Variants in TMEM255A observed in about 807,000 individuals in gnomAD.
The protein encoded by TMEM255A is family with sequence similarity 70, member A.
A neutral mutation model predicts 23.5 loss-of-function variants in TMEM255A; 14 were observed. The observed-to-expected ratio is 0.60, with a 90% CI of 0.39 to 0.93. The LOEUF is 0.93. Ranked by LOEUF, TMEM255A falls within the 40% of genes least tolerant of loss-of-function variation. The pLI is 0.00. For synonymous variants in TMEM255A, 104 were observed against 100.3 expected (o/e 1.04, Z -0.22); for missense variants, 233 against 261.7 (o/e 0.89, Z 0.76).
At chrX:120,304,522 C>T (rs924643681) in intron 1 of TMEM255A, 31 bp from the exon 2 acceptor site, 2 of 1,198,156 alleles carry the variant, frequency 1.7e-6, no homozygotes, top group African/African-American at 3.5e-5. Flanking sequence ...TAAAATTGCT[C>T]ATTTCAGCTG....
At chrX:120,275,541 C>T (rs1224284656) in intron 7 of TMEM255A, among the ~76,000 whole-genome samples, 2 of 111,003 alleles carry the variant, frequency 1.8e-5, no homozygotes, top group African/African-American at 6.6e-5. Context: ...CAAAATCTGA[C>T]AGAAACAGCC....
At chrX:120,257,589 CTG>C (rs1254059668), downstream of TMEM255A, 1 of 123,410 alleles carries the variant, frequency 8.1e-6, no homozygotes, top group Non-Finnish European at 1.9e-5. Flanking sequence ...CATTTAAACT[CTG>C]TGCCTACTAA....
chrX:120,299,376 C>G (rs1441880104), intron 2 of TMEM255A, among the ~76,000 whole-genome samples: 2 of 110,917 alleles, frequency 1.8e-5, no homozygotes, highest in Non-Finnish European at 3.8e-5. Context: ...GTGGTGAGAT[C>G]CTAGCTCATT....
At chrX:120,277,174 T>C in intron 6 of TMEM255A, 127 bp from the exon 7 acceptor site, 1 of 511,743 alleles carries the variant, frequency 2.0e-6, no homozygotes, top group Non-Finnish European at 3.2e-6. Flanking sequence ...GGTGGGGAGC[T>C]ACAGTAAGAG....
chrX:120,274,757 C>T (rs1432820890), intron 7 of TMEM255A, among the ~76,000 whole-genome samples: 2 of 111,926 alleles, frequency 1.8e-5, no homozygotes, highest in African/African-American at 6.5e-5. Context: ...AGAAAAAGGA[C>T]AATGCTTATC....
At chrX:120,310,493 C>G (rs924113023) in intron 1 of TMEM255A, among the ~76,000 whole-genome samples, 1 of 111,975 alleles carries the variant, frequency 8.9e-6, no homozygotes, top group African/African-American at 3.2e-5. Flanking sequence ...TCAGAAGATG[C>G]GCGGGCTCGC....
intron 2 of TMEM255A, among the ~76,000 whole-genome samples, chrX:120,302,586 G>T (rs2058040286): frequency 9.4e-6 from 1 of 105,966 alleles, no homozygotes; most frequent in African/African-American, 3.5e-5. Flanking sequence ...CACAGGAAGT[G>T]CACTGGGTGA....
At chrX:120,285,629 C>T (rs782310526) in intron 5 of TMEM255A, 26 of 1,209,540 alleles carry the variant, frequency 2.1e-5, no homozygotes, top group Admixed American at 4.4e-5. Context: ...TAGTACCTCT[C>T]TAGCTGCCTG....
chrX:120,297,848 G>A (rs967838973), intron 2 of TMEM255A, among the ~76,000 whole-genome samples: 1 of 111,105 alleles, frequency 9.0e-6, no homozygotes, highest in African/African-American at 3.3e-5. Flanking sequence ...TGCAAGGATG[G>A]AGTGAGAAGT....
intron 2 of TMEM255A, among the ~76,000 whole-genome samples, chrX:120,303,202 CA>C: frequency 9.0e-6 from 1 of 111,463 alleles, no homozygotes; most frequent in African/African-American, 3.3e-5. Context: ...GTAGATAAAA[CA>C]ATCCACTGGA....
chrX:120,264,817 T>C (rs1377511486), intron 8 of TMEM255A, among the ~76,000 whole-genome samples: 1 of 109,933 alleles, frequency 9.1e-6, no homozygotes, highest in Non-Finnish European at 1.9e-5. Context: ...TGGAGTGCAT[T>C]TGCTGACTCC....
chrX:120,300,603 T>C (rs782350832), intron 2 of TMEM255A, among the ~76,000 whole-genome samples: 1 of 102,015 alleles, frequency 9.8e-6, no homozygotes, highest in South Asian at 5.0e-4. Flanking sequence ...TCATGTTGTC[T>C]AGGCTGGTCT....
intron 6 of TMEM255A, among the ~76,000 whole-genome samples, chrX:120,277,909 T>C (rs1556020151): frequency 1.8e-5 from 2 of 112,108 alleles, no homozygotes; most frequent in African/African-American, 3.2e-5. Flanking sequence ...GGAATGAATT[T>C]TGTCCCTCCA....
At position 120,311,263 on chromosome X, in the gene TMEM255A, G is replaced by C; in HGVS notation, c.47C>G (p.Pro16Arg). ...TQQRSSDMSL[P>R]DSMGAFNRRK... ...GCCGCTAGACTTACCCATGGAATCG[G>C]GCAGGGACATGTCGCTGGACCGCTG... The change falls in exon 1 of 9, where the codon CCC becomes CGC. Residue 16 changes from proline to arginine, a missense_variant. Transcript: ENST00000371369. 8.4e-7 allele frequency: 1 copy of C among 1,184,728 alleles called. No individual in the cohort carries two copies. Among genetic ancestry groups the C allele is most frequent in the Non-Finnish European group, 1.1e-6 (1 of 881,436 alleles).
At position 120,281,059 on chromosome X, in the gene TMEM255A, T is replaced by C. The variant is rs192086912; in HGVS notation, c.513-4012A>G. Among the ~76,000 whole-genome samples, 20 of 112,471 alleles carry C rather than the reference T, an allele frequency of 1.8e-4. No individual in the cohort carries two copies. The Admixed American group carries it at 1.8e-3, about 10-fold the overall frequency. Reference sequence around the variant, plus strand: ...TTTAATCTAATATGTGTTGGTAGCGTATCAGTGCTAAATACTGTGCTGGTG... The same window carrying C: ...TTTAATCTAATATGTGTTGGTAGCGCATCAGTGCTAAATACTGTGCTGGTG... On this transcript the variant is annotated intron_variant, in intron 6 of 8. Transcript: ENST00000371369.
chrX:120,281,649 G>T (rs2057838031), intron 6 of TMEM255A, among the ~76,000 whole-genome samples: 1 of 112,966 alleles, frequency 8.9e-6, no homozygotes, highest in African/African-American at 3.2e-5. Context: ...AGGAGCTCAA[G>T]AAAAGTTTGT....
Position 120,311,356 on chromosome X carries a change from C to G in TMEM255A, c.-47G>C. 9.1e-7 allele frequency: 1 copy of G among 1,093,699 alleles called. No individual in the cohort carries two copies. The highest frequency in any genetic ancestry group is 3.3e-5 in the East Asian group (1 of 30,472). The allele number at this position is 1,093,699 out of a possible 1,213,427, so 90.1% of individuals were successfully genotyped here. On this transcript the variant is annotated 5_prime_UTR_variant, in exon 1 of 9. Transcript: ENST00000371369. ...CCAGTCCCCGAAGCTGCTTCAAGCG[C>G]CCCCGGCTCTGGGCGCCCCGCAGAG... is the stretch of plus-strand genomic sequence containing the variant.
In TMEM255A at chrX:120,260,674, T is replaced by A; in HGVS notation, c.*196A>T. On this transcript the variant is annotated 3_prime_UTR_variant, in exon 9 of 9. Coordinates refer to ENST00000371369, the MANE Select transcript of TMEM255A (RefSeq NM_001104544.3). ...GCTTAGAGAATGTGAGCTGCCCTTC[T>A]GTGCTGCGTTCAGCCTGACCACCCC... is the stretch of plus-strand genomic sequence containing the variant. 1 of 468,044 alleles carries A rather than the reference T, an allele frequency of 2.1e-6. No homozygotes were observed. The highest frequency in any genetic ancestry group is 3.3e-6 in the Non-Finnish European group (1 of 301,830). 38.6% of individuals were successfully genotyped at this position (468,044 alleles called of 1,213,427 possible).
chrX:120,298,315 G>A (rs1220565943), intron 2 of TMEM255A, among the ~76,000 whole-genome samples: 1 of 111,076 alleles, frequency 9.0e-6, no homozygotes, highest in Non-Finnish European at 1.9e-5. Context: ...GGTGGGATGG[G>A]GTATGATCAA....
Sources: gnomAD v4.1 joint callset for allele counts (sites outside exome capture counted in the v4.1 genomes callset) on GRCh38, gnomAD v4.1.1 for gene constraint, MANE v1.5 for transcripts, NCBI Gene and HGNC (gene_info 2026-07-23, HGNC 2026-07-21) for gene names.